Variants in ERGIC1 observed in about 807,000 individuals in gnomAD.
ERGIC1 encodes the protein endoplasmic reticulum-golgi intermediate compartment 1.
In ERGIC1, 19 loss-of-function variants were observed where a neutral mutation model predicts 38.3. That is an observed-to-expected ratio of 0.50 (90% CI 0.35 to 0.73). The LOEUF (loss-of-function observed/expected upper bound fraction) is 0.73, where lower values mean the gene tolerates loss of function less well. ERGIC1 is among the 30% of genes least tolerant of loss of function. The probability of loss-of-function intolerance (pLI) is 0.01; values close to 1 mark genes in which losing one functional copy is unlikely to be tolerated. For synonymous variants in ERGIC1, 124 were observed against 157.6 expected, an observed-to-expected ratio of 0.79 and a Z score of 1.60; for missense variants, 294 against 389.2, an observed-to-expected ratio of 0.76 and a Z score of 2.06.
intron 4 of ERGIC1, among the ~76,000 whole-genome samples, chr5:172,910,589 A>G (rs1186876716): frequency 1.4e-5 from 2 of 147,618 alleles, no homozygotes; most frequent in Non-Finnish European, 3.0e-5. Flanking sequence ...CAATGGCACG[A>G]TCTTGGCTCA....
intron 9 of ERGIC1, among the ~76,000 whole-genome samples, chr5:172,946,896 C>A (rs1324353512): frequency 6.7e-6 from 1 of 150,024 alleles, no homozygotes; most frequent in Non-Finnish European, 1.5e-5. Flanking sequence ...TTTTTTAAGT[C>A]ACGGGGCCAG....
intron 3 of ERGIC1, 146 bp downstream of exon 3, chr5:172,897,220 G>T (rs1762744313): frequency 1.5e-6 from 1 of 664,638 alleles, no homozygotes; most frequent in East Asian, 2.9e-5. Flanking sequence ...CCTGAGGTCA[G>T]GAGTTGGAGA....
At chr5:172,866,742 C>T (rs1312513926) in intron 1 of ERGIC1, among the ~76,000 whole-genome samples, 2 of 152,242 alleles carry the variant, frequency 1.3e-5, no homozygotes, top group Non-Finnish European at 2.9e-5. Context: ...TCCAGGCTCA[C>T]CACCTGTATA....
chr5:172,902,694 T>C (rs1325987632), intron 3 of ERGIC1, among the ~76,000 whole-genome samples: 1 of 152,272 alleles, frequency 6.6e-6, no homozygotes, highest in East Asian at 1.9e-4. Context: ...TACTTTTACC[T>C]GGACGACTCA....
intron 1 of ERGIC1, among the ~76,000 whole-genome samples, chr5:172,883,428 T>G (rs1762333342): frequency 6.6e-6 from 1 of 152,254 alleles, no homozygotes; most frequent in South Asian, 2.1e-4. Flanking sequence ...TGTGACAGTT[T>G]CCCCATCTTT....
At chr5:172,932,695 T>C (rs923923615) in intron 8 of ERGIC1, 159 bp downstream of exon 8, 7 of 676,240 alleles carry the variant, frequency 1.0e-5, no homozygotes, top group Non-Finnish European at 1.8e-5. Context: ...CTGGGTAAAA[T>C]TGAAAAGCCC....
intron 1 of ERGIC1, among the ~76,000 whole-genome samples, chr5:172,874,060 A>T (rs1370372337): frequency 6.6e-6 from 1 of 151,980 alleles, no homozygotes; most frequent in Non-Finnish European, 1.5e-5. Context: ...AGTTCATTCT[A>T]CAGTGGGGCC....
chr5:172,901,672 T>C lies in ERGIC1; in HGVS notation c.155+4598T>C, dbSNP rs373668409. Among the ~76,000 whole-genome samples the C allele has an allele frequency of 1.1e-4, 17 of 152,256 alleles. 2 individuals are homozygous for C. The South Asian group carries it at 3.5e-3, about 32-fold the overall frequency. On this transcript the variant is annotated intron_variant, in intron 3 of 9. Transcript: ENST00000393784. The stretch of plus-strand genomic sequence containing the variant: ...GGGCTGGAGGGCAGTGGCTCAATTA[T>C]GGCTTAATGTAGCCTCGACCTCCAG...
At chr5:172,851,662 T>TG (rs540286364) in intron 1 of ERGIC1, among the ~76,000 whole-genome samples, 4 of 151,420 alleles carry the variant, frequency 2.6e-5, no homozygotes, top group East Asian at 1.9e-4. Flanking sequence ...GACAGGGAGG[T>TG]GGGGGGGTAT....
chr5:172,904,364 T>G (rs886492548), intron 3 of ERGIC1, among the ~76,000 whole-genome samples: 1 of 152,200 alleles, frequency 6.6e-6, no homozygotes, highest in East Asian at 1.9e-4. Context: ...TGCCATAGAT[T>G]AATTTTGCTG....
chr5:172,914,802 AGGCTGCCGCTTCGAGG>A lies in ERGIC1; in HGVS notation c.343_358del (p.Cys115SerfsTer27), dbSNP rs896922362. 1 of 1,614,202 alleles carries A rather than the reference AGGCTGCCGCTTCGAGG, an allele frequency of 6.2e-7. No homozygotes were observed. The highest frequency in any genetic ancestry group is 1.7e-5 in the Admixed American group (1 of 60,020). Reference sequence around the variant, plus strand: ...TGAAGATCCCGCTGAACAATGGGGCAGGCTGCCGCTTCGAGGGGCAGTTCAGCATCAACAAGGTATG... The same window carrying A: ...TGAAGATCCCGCTGAACAATGGGGCAGGCAGTTCAGCATCAACAAGGTATG... On this transcript the variant is annotated frameshift_variant, in exon 5 of 10. Transcript: ENST00000393784. LOFTEE classifies it high-confidence loss of function.
rs1368733221 is a variant in ERGIC1 at position 172,935,233 on chromosome 5, T to G, written c.688T>G (p.Trp230Gly). The change falls in exon 9 of 10, where the codon TGG (tryptophan) becomes GGG (glycine). Residue 230 changes from tryptophan to glycine, a missense_variant. By Grantham distance (184) the Trp-to-Gly change is radical. This residue lies in a region of ERGIC1 where 109 missense variants were observed against 112.7 expected (regional missense o/e 0.97). Transcript: ENST00000393784. ...SHTGRIIPAI[W>G]FRYDLSPITV... is the part of the protein sequence containing the mutation. The stretch of plus-strand genomic sequence containing the variant: ...CACGGGCCGCATCATCCCTGCAATC[T>G]GGTTCCGCTACGACCTCAGCCCCAT... 6.2e-7 allele frequency: 1 copy of G among 1,614,142 alleles called. No individual in the cohort carries two copies. Among genetic ancestry groups the G allele is most frequent in the East Asian group, 2.2e-5 (1 of 44,888 alleles).
intron 6 of ERGIC1, among the ~76,000 whole-genome samples, chr5:172,924,903 C>T (rs866438198): frequency 6.6e-6 from 1 of 152,158 alleles, no homozygotes; most frequent in Non-Finnish European, 1.5e-5. Flanking sequence ...TCCCTGCCCA[C>T]CTGGAGCTTC....
chr5:172,945,209 G>A (rs1344186857), intron 9 of ERGIC1, among the ~76,000 whole-genome samples: 2 of 152,228 alleles, frequency 1.3e-5, no homozygotes, highest in African/African-American at 2.4e-5. Context: ...GGCCTAAGGT[G>A]CTTTGCCCCA....
chr5:172,908,315 GGGGAGAGAGGGGAGGGGGGGAGGGGGGA>G, intron 3 of ERGIC1, among the ~76,000 whole-genome samples: 1 of 8,360 alleles, frequency 1.2e-4, no homozygotes, highest in Non-Finnish European at 3.6e-4. Context: ...GCGGGGGGGG[GGGGAGAGAGGGGAGGGGGGGAGGGGGGA>G]GGGGGGGGGT....
At chr5:172,931,876 T>TTTTTTG (rs70984923) in intron 7 of ERGIC1, among the ~76,000 whole-genome samples, 1 of 148,494 alleles carries the variant, frequency 6.7e-6, no homozygotes, top group African/African-American at 2.5e-5. Flanking sequence ...TTTTTTTTTT[T>TTTTTTG]GAGACAGAGT....
At chr5:172,939,828 G>A (rs1178186397) in intron 9 of ERGIC1, among the ~76,000 whole-genome samples, 1 of 152,246 alleles carries the variant, frequency 6.6e-6, no homozygotes, top group Admixed American at 6.5e-5. Context: ...CCTTGTCACA[G>A]GGCAGCAGAT....
chr5:172,863,070 C>T (rs1419449982), intron 1 of ERGIC1, among the ~76,000 whole-genome samples: 1 of 152,202 alleles, frequency 6.6e-6, no homozygotes, highest in East Asian at 1.9e-4. Flanking sequence ...CAACCTCAGC[C>T]TCCCCATTAG....
chr5:172,918,860 C>T (rs1763440632), intron 5 of ERGIC1, among the ~76,000 whole-genome samples: 1 of 152,244 alleles, frequency 6.6e-6, no homozygotes, highest in Non-Finnish European at 1.5e-5. Flanking sequence ...CCACTACTCA[C>T]CCACAGGCCT....
Sources: allele counts gnomAD v4.1 joint callset (sites outside exome capture counted in the v4.1 genomes callset), GRCh38; gene constraint gnomAD v4.1.1; regional missense constraint gnomAD v4.1.1; transcripts MANE v1.5; gene names NCBI Gene and HGNC (gene_info 2026-07-23, HGNC 2026-07-21).